Variants in CEP135 observed in about 807,000 individuals in gnomAD.
CEP135 encodes centrosomal protein 135.
A neutral mutation model predicts 157.3 loss-of-function variants in CEP135; 142 were observed. The observed-to-expected ratio is 0.90, with a 90% CI of 0.79 to 1.04. The LOEUF is 1.04. Among genes scored for constraint, CEP135 ranks in the 50% least tolerant of loss-of-function variants. The pLI, the probability that CEP135 is intolerant of heterozygous loss-of-function variation, is 0.00. For synonymous variants in CEP135, 396 were observed against 439.8 expected, an observed-to-expected ratio of 0.90 and a Z score of 1.25; for missense variants, 1,317 against 1,309.2, an observed-to-expected ratio of 1.01 and a Z score of -0.09.
At chr4:55,999,257 T>G in intron 15 of CEP135, 45 bp from the exon 16 acceptor site, 1 of 1,365,180 alleles carries the variant, frequency 7.3e-7, no homozygotes, top group Non-Finnish European at 1.0e-6. Flanking sequence ...CGTATTTCTA[T>G]GAGAGATAAA....
Position 56,011,993 on chromosome 4 carries a change from A to G in CEP135, c.2802+8A>G, listed in dbSNP as rs1730603027. 7 of 1,454,022 alleles carry G rather than the reference A, an allele frequency of 4.8e-6. No individual in the cohort carries two copies. The highest frequency in any genetic ancestry group is 6.4e-6 in the Non-Finnish European group (7 of 1,090,172). The allele number at this position is 1,454,022 out of a possible 1,614,324, so 90.1% of individuals were successfully genotyped here. On this transcript the variant is annotated splice_region_variant and intron_variant, in intron 21 of 25. Transcript: ENST00000257287. The stretch of plus-strand genomic sequence containing the variant: ...GAAAAAGAAATTCAAGAGGTAATAT[A>G]TTTATTTGTTTTGTAAAGATGTTAT...
intron 22 of CEP135, among the ~76,000 whole-genome samples, chr4:56,018,951 A>C (rs1004934841): frequency 6.6e-6 from 1 of 152,182 alleles, no homozygotes; most frequent in African/African-American, 2.4e-5. Flanking sequence ...GGATGTTTTC[A>C]ATTTTCACTC....
chr4:56,004,927 T>A lies in CEP135; in HGVS notation c.2281-3400T>A, dbSNP rs1577901857. Among the ~76,000 whole-genome samples, 5 of 27,504 alleles carry A rather than the reference T, an allele frequency of 1.8e-4. No homozygotes were observed. The South Asian group carries it at 6.6e-3, about 37-fold the overall frequency. The allele number at this position is 27,504 out of a possible 152,430, so 18.0% of individuals were successfully genotyped here. ...GATATGTAAGGACTTAATGCTGCCA[T>A]TTTTTTTTTTTTTTTTTGCTTCTTT... On this transcript the variant is annotated intron_variant, in intron 17 of 25. Transcript: ENST00000257287.
Position 55,988,661 on chromosome 4 carries a change from GA to G in CEP135, c.1858-3260del, listed in dbSNP as rs34678871. On this transcript the variant is annotated intron_variant, in intron 14 of 25. Transcript: ENST00000257287. ...GGTGACAGAGCAAGACTCCGTCTCA[GA>G]AAAAAAAAAAAATGGCTGGGCGTGG... is the stretch of plus-strand genomic sequence containing the variant. Among the ~76,000 whole-genome samples the G allele has an allele frequency of 4.6e-3, 609 of 131,966 alleles. 2 individuals are homozygous for G. Among genetic ancestry groups the G allele is most frequent in the East Asian group, 0.023 (103 of 4,516 alleles). 86.6% of individuals were successfully genotyped at this position (131,966 alleles called of 152,430 possible).
chr4:55,984,721 G>A (rs1333184018), intron 13 of CEP135, among the ~76,000 whole-genome samples: 2 of 152,184 alleles, frequency 1.3e-5, no homozygotes, highest in Non-Finnish European at 2.9e-5. Flanking sequence ...AAAACTCTCA[G>A]TGAACACCAA....
At position 55,985,342 on chromosome 4, in the gene CEP135, CAT is replaced by C. The variant is rs759886985; in HGVS notation, c.1842_1843del (p.Val616Ter). ...TTAGAGAAAACTATTGAACATTTGA[CAT>C]GTGTTAATCATCAGGTAATGTATCA... On this transcript the variant is annotated frameshift_variant, in exon 14 of 26. Transcript: ENST00000257287. LOFTEE classifies it high-confidence loss of function. 7 of 1,588,786 alleles carry C rather than the reference CAT, an allele frequency of 4.4e-6. No individual in the cohort carries two copies. The highest frequency in any genetic ancestry group is 6.0e-6 in the Non-Finnish European group (7 of 1,159,118).
At position 55,984,015 on chromosome 4, in the gene CEP135, AC is replaced by A. The variant is rs112810109; in HGVS notation, c.1780-1264del. Among the ~76,000 whole-genome samples the A allele has an allele frequency of 4.7e-4, 71 of 152,032 alleles. 1 individual carries two copies. The highest frequency in any genetic ancestry group is 1.4e-3 in the African/African-American group (58 of 41,466). ...CCTGTTCTGGTCATTGTTCTCCCTC[AC>A]CTGCATTATTGTATTATTGGCCCCT... is the stretch of plus-strand genomic sequence containing the variant. On this transcript the variant is annotated intron_variant, in intron 13 of 25. Transcript: ENST00000257287.
rs1730947199 is a variant in CEP135, at chr4:56,020,735, A to G, written c.3275A>G (p.Asp1092Gly). Residue 1092 changes from aspartate to glycine, a missense_variant, in exon 24 of 26, where the codon GAT (aspartate) becomes GGT (glycine). Asp to Gly is a moderately conservative substitution (Grantham distance 94). Transcript: ENST00000257287. ...GCTAAAGTGGCACAGTTACAAACAGATTATGATGCTCTGAAAAGGCAGATC... is the reference window on the plus strand; with the variant it reads ...GCTAAAGTGGCACAGTTACAAACAGGTTATGATGCTCTGAAAAGGCAGATC... Reference protein sequence around the residue: ...LRAKVAQLQTDYDALKRQIST... With the variant: ...LRAKVAQLQTGYDALKRQIST... The G allele has an allele frequency of 6.2e-7, 1 of 1,613,566 alleles. No homozygotes were observed. Among genetic ancestry groups the G allele is most frequent in the South Asian group, 1.1e-5 (1 of 91,000 alleles).
chr4:55,980,055 G>A, intron 11 of CEP135, 88 bp from the exon 12 acceptor site: 1 of 1,074,660 alleles, frequency 9.3e-7, no homozygotes, highest in Non-Finnish European at 1.4e-6. Flanking sequence ...CTTTTTGTCT[G>A]GTAGCATCTT....
chr4:55,960,998 C>T (rs1728662456), intron 6 of CEP135: 1 of 145,122 alleles, frequency 6.9e-6, no homozygotes, highest in African/African-American at 2.6e-5. Flanking sequence ...CCCAGCTACT[C>T]AGCAGGCTAA....
chr4:55,975,854 G>T (rs1176641023), intron 11 of CEP135, among the ~76,000 whole-genome samples: 1 of 152,160 alleles, frequency 6.6e-6, no homozygotes, highest in Non-Finnish European at 1.5e-5. Context: ...TGTGTCCATT[G>T]TCAAACAGTT....
chr4:55,952,676 TGC>T (rs2109638638), intron 2 of CEP135: 1 of 179,846 alleles, frequency 5.6e-6, no homozygotes, highest in African/African-American at 2.4e-5. Context: ...TCATAGGGTG[TGC>T]TTACACAAAC....
intron 12 of CEP135, among the ~76,000 whole-genome samples, chr4:55,980,871 G>A (rs921576126): frequency 6.6e-6 from 1 of 152,274 alleles, no homozygotes; most frequent in Non-Finnish European, 1.5e-5. Context: ...TAAAGGTCAC[G>A]TTGAAAGAGT....
chr4:56,023,364 G>A (rs1731031321), intron 24 of CEP135, among the ~76,000 whole-genome samples: 1 of 152,074 alleles, frequency 6.6e-6, no homozygotes, highest in Non-Finnish European at 1.5e-5. Context: ...CAAGCTAAGG[G>A]TGGTTAGTAG....
chr4:55,960,178 G>C (rs1577866908), intron 6 of CEP135: 1 of 218,762 alleles, frequency 4.6e-6, no homozygotes, highest in East Asian at 9.6e-5. Flanking sequence ...CATCTCAGGA[G>C]ACATTTTATT....
chr4:55,961,766 A>T (rs1160782343), intron 6 of CEP135, among the ~76,000 whole-genome samples: 25 of 38,376 alleles, frequency 6.5e-4, no homozygotes, highest in African/African-American at 4.8e-3. Flanking sequence ...ACTCTGTCTA[A>T]AAAAAAAAAA....
intron 15 of CEP135, among the ~76,000 whole-genome samples, chr4:55,993,801 C>T (rs1201119616): frequency 6.6e-6 from 1 of 152,170 alleles, no homozygotes; most frequent in Non-Finnish European, 1.5e-5. Context: ...TAGCCTATAG[C>T]TCCTTTGGAG....
chr4:55,955,917 T>C (rs558045879), intron 4 of CEP135, among the ~76,000 whole-genome samples: 11 of 152,260 alleles, frequency 7.2e-5, no homozygotes, highest in South Asian at 4.2e-4. Context: ...TTAAGAGTCA[T>C]TGGAGTCTCA....
In CEP135 at chr4:56,017,755, A is replaced by G. The variant is rs1470469190; in HGVS notation, c.2910A>G (p.Val970=). Residue 970 remains valine, a synonymous_variant, in exon 22 of 26, where the codon GTA becomes GTG. Coordinates refer to ENST00000257287, the MANE Select transcript of CEP135 (RefSeq NM_025009.5). ...ATCAAGAAGATGAGAAAGCAACAGT[A>G]TTAAATGACTTGTCATCTCTTAGAG... The part of the protein sequence containing the change: ...LRHQEDEKAT[V]LNDLSSLREL... The G allele has an allele frequency of 6.2e-7, 1 of 1,614,036 alleles. No homozygotes were observed. Among genetic ancestry groups the G allele is most frequent in the Admixed American group, 1.7e-5 (1 of 60,022 alleles).
Sources: allele counts gnomAD v4.1 joint callset (sites outside exome capture counted in the v4.1 genomes callset), GRCh38; gene constraint gnomAD v4.1.1; transcripts MANE v1.5; gene names NCBI Gene and HGNC (gene_info 2026-07-23, HGNC 2026-07-21).